The following OLFML1 variants were observed in gnomAD, a reference collection of about 807,000 sequenced individuals.
The protein encoded by OLFML1 is olfactomedin-like protein 1.
OLFML1 carries 33 observed loss-of-function variants against 37.3 expected under a neutral mutation model. The ratio of observed to expected loss-of-function variants is 0.88; its 90% CI spans 0.67 to 1.18. The LOEUF is 1.18. Among genes scored for constraint, OLFML1 ranks in the 50% most tolerant of loss-of-function variants. OLFML1 has a pLI of 0.00. For missense variants in OLFML1, 545 were observed against 483.7 expected (o/e 1.13, Z -1.19); for synonymous variants, 186 against 181.3 (o/e 1.03, Z -0.21).
intron 2 of OLFML1, chr11:7,489,071 T>C (rs148156373): frequency 1.6e-4 from 25 of 152,272 alleles, no homozygotes; most frequent in African/African-American, 5.8e-4. Context: ...GGGAGACAAA[T>C]CTCCCACTTC....
In OLFML1 at chr11:7,509,765, C is replaced by T. The variant is rs766164824; in HGVS notation, c.786C>T (p.Tyr262=). The change falls in exon 3 of 3, where the codon TAC becomes TAT. Residue 262 remains tyrosine, a synonymous_variant. Transcript: ENST00000329293. ...GAGGGGTAGGCCGAGCATTGGTTTA[C>T]CAGCACTCCCCCTCAACTTACATTG... ...LPGGVGRALV[Y]QHSPSTYIDL... 24 of 1,614,252 alleles carry T rather than the reference C, an allele frequency of 1.5e-5. No individual in the cohort carries two copies. The highest frequency in any genetic ancestry group is 1.9e-5 in the Non-Finnish European group (23 of 1,180,040).
chr11:7,506,573 A>C (rs781393228), intron 2 of OLFML1, among the ~76,000 whole-genome samples: 1 of 152,128 alleles, frequency 6.6e-6, no homozygotes, highest in Non-Finnish European at 1.5e-5. Context: ...CTAACCATGA[A>C]GACCAGTATG....
chr11:7,502,498 G>A (rs750360868), intron 2 of OLFML1, among the ~76,000 whole-genome samples: 13 of 152,112 alleles, frequency 8.5e-5, no homozygotes, highest in Admixed American at 2.6e-4. Flanking sequence ...AGTGGTCTGG[G>A]CAAAAAGTGA....
intron 2 of OLFML1, among the ~76,000 whole-genome samples, chr11:7,491,803 C>T (rs981939231): frequency 8.7e-5 from 10 of 114,598 alleles, no homozygotes; most frequent in African/African-American, 3.6e-4. Context: ...CTGGGACCCT[C>T]AGCTCCTACA....
intron 2 of OLFML1, among the ~76,000 whole-genome samples, chr11:7,500,719 A>G (rs915861871): frequency 6.6e-6 from 1 of 151,334 alleles, no homozygotes; most frequent in Non-Finnish European, 1.5e-5. Context: ...AATGTTTAAG[A>G]AGGTTTTTTT....
chr11:7,490,954 A>T lies in OLFML1; in HGVS notation c.418+2539A>T, dbSNP rs564691175. Among the ~76,000 whole-genome samples, 13 of 152,158 alleles carry T rather than the reference A, an allele frequency of 8.5e-5. No individual in the cohort carries two copies. In the South Asian group the frequency reaches 2.7e-3, roughly 32 times the overall value. On this transcript the variant is annotated intron_variant, in intron 2 of 2. Coordinates refer to ENST00000329293, the MANE Select transcript of OLFML1 (RefSeq NM_198474.4). The stretch of plus-strand genomic sequence containing the variant: ...CGTCATTTACCATCAATTATCAACA[A>T]CAAAAAAATCCATTCAAATCTCCTA...
At chr11:7,494,861 C>A (rs925587863) in intron 2 of OLFML1, among the ~76,000 whole-genome samples, 2 of 152,174 alleles carry the variant, frequency 1.3e-5, no homozygotes, top group African/African-American at 4.8e-5. Context: ...TGTTAGTTTT[C>A]TATTTGATGA....
intron 2 of OLFML1, among the ~76,000 whole-genome samples, chr11:7,494,722 A>T (rs1183550450): frequency 1.3e-5 from 2 of 152,160 alleles, no homozygotes; most frequent in Non-Finnish European, 2.9e-5. Flanking sequence ...GACAGGCTGA[A>T]CTCAGTGAAG....
chr11:7,502,584 T>C (rs1848735431), intron 2 of OLFML1, among the ~76,000 whole-genome samples: 1 of 152,062 alleles, frequency 6.6e-6, no homozygotes, highest in Non-Finnish European at 1.5e-5. Flanking sequence ...TCATGTAACA[T>C]TATAATTTTT....
chr11:7,509,508 T>C lies in OLFML1; in HGVS notation c.529T>C (p.Leu177=). Residue 177 remains leucine, a synonymous_variant, in exon 3 of 3, where the codon TTA becomes CTA. Coordinates refer to ENST00000329293, the MANE Select transcript of OLFML1 (RefSeq NM_198474.4). ...DAVYNSPKVY[L]LIGSRNNTVW... ...TGTCTATAACTCTCCAAAGGTGTACTTATTAATTGGATCCAGAAACAACAC... is the reference window on the plus strand; with the variant it reads ...TGTCTATAACTCTCCAAAGGTGTACCTATTAATTGGATCCAGAAACAACAC... 6.2e-7 allele frequency: 1 copy of C among 1,614,190 alleles called. No homozygotes were observed. Among genetic ancestry groups the C allele is most frequent in the Non-Finnish European group, 8.5e-7 (1 of 1,180,010 alleles).
In OLFML1 at chr11:7,497,289, A is replaced by C. The variant is rs77711986; in HGVS notation, c.418+8874A>C. Among the ~76,000 whole-genome samples, 806 of 152,362 alleles carry C rather than the reference A, an allele frequency of 5.3e-3. 6 individuals carry two copies. The highest frequency in any genetic ancestry group is 0.018 in the African/African-American group (756 of 41,588). ...ATAAGACATGCATCTGTGAAAAAAAACAGATAAGACAAAGCCCCTGCTTTT... is the reference window on the plus strand; with the variant it reads ...ATAAGACATGCATCTGTGAAAAAAACCAGATAAGACAAAGCCCCTGCTTTT... On this transcript the variant is annotated intron_variant, in intron 2 of 2. Coordinates refer to ENST00000329293, the MANE Select transcript of OLFML1 (RefSeq NM_198474.4).
At chr11:7,497,264 A>G (rs987928908) in intron 2 of OLFML1, among the ~76,000 whole-genome samples, 10 of 152,190 alleles carry the variant, frequency 6.6e-5, no homozygotes, top group Non-Finnish European at 1.2e-4. Context: ...ATATTCCAGG[A>G]TAAGACATGC....
intron 2 of OLFML1, among the ~76,000 whole-genome samples, chr11:7,505,863 C>T (rs938149059): frequency 6.6e-6 from 1 of 151,998 alleles, no homozygotes; most frequent in Non-Finnish European, 1.5e-5. Context: ...AAAATTAGAA[C>T]TGATGACCGA....
rs1291698947 is a variant in OLFML1, at chr11:7,488,444, T to C, written c.418+29T>C. 5 of 1,560,424 alleles carry C rather than the reference T, an allele frequency of 3.2e-6. No homozygotes were observed. In the South Asian group the frequency reaches 4.7e-5, roughly 15 times the overall value. On this transcript the variant is annotated intron_variant, in intron 2 of 2. Transcript: ENST00000329293. ...AGAAAACTGCATCTTTTCCTAGCCC[T>C]TCTAGGGACTATTATGCTCAGAAAC...
chr11:7,506,337 A>G (rs1430118144), intron 2 of OLFML1, among the ~76,000 whole-genome samples: 2 of 152,232 alleles, frequency 1.3e-5, no homozygotes, highest in African/African-American at 4.8e-5. Flanking sequence ...TTAGTCTTGG[A>G]CAGGAGAAAT....
intron 2 of OLFML1, among the ~76,000 whole-genome samples, chr11:7,502,158 C>T (rs1243637569): frequency 6.6e-6 from 1 of 152,150 alleles, no homozygotes; most frequent in Non-Finnish European, 1.5e-5. Flanking sequence ...AGAAAAAGAG[C>T]ACTCCAGGCA....
At chr11:7,493,302 G>A (rs892859032) in intron 2 of OLFML1, among the ~76,000 whole-genome samples, 23 of 152,290 alleles carry the variant, frequency 1.5e-4, no homozygotes, top group Non-Finnish European at 2.6e-4. Context: ...AAGTGTGCAT[G>A]ACCCATATTC....
At chr11:7,496,445 A>AT (rs779432865) in intron 2 of OLFML1, among the ~76,000 whole-genome samples, 24 of 152,352 alleles carry the variant, frequency 1.6e-4, no homozygotes, top group Non-Finnish European at 2.9e-4. Context: ...CATTGGTGTG[A>AT]TTAACAGTTT....
chr11:7,497,770 A>G (rs1413611806), intron 2 of OLFML1, among the ~76,000 whole-genome samples: 4 of 152,206 alleles, frequency 2.6e-5, no homozygotes, highest in Admixed American at 2.6e-4. Flanking sequence ...AGAAAAACCT[A>G]TGATACGGAT....
Sources: gnomAD v4.1 joint callset for allele counts (sites outside exome capture counted in the v4.1 genomes callset) on GRCh38, gnomAD v4.1.1 for gene constraint, MANE v1.5 for transcripts, NCBI Gene and HGNC (gene_info 2026-07-23, HGNC 2026-07-21) for gene names.